Variants in SPAST observed in about 807,000 individuals in gnomAD.
SPAST encodes the protein spastin.
In SPAST, 30 loss-of-function variants were observed where a neutral mutation model predicts 76.6. The observed-to-expected ratio is 0.39, with a 90% CI of 0.29 to 0.53. The LOEUF (loss-of-function observed/expected upper bound fraction) is 0.53. SPAST is among the 20% of genes least tolerant of loss of function. The probability of loss-of-function intolerance (pLI) is 0.68; values close to 1 mark genes in which losing one functional copy is unlikely to be tolerated. For missense variants in SPAST, 717 were observed against 770.5 expected, an observed-to-expected ratio of 0.93 and a Z score of 0.82; for synonymous variants, 305 against 281.0, an observed-to-expected ratio of 1.09 and a Z score of -0.86.
chr2:32,080,432 A>AATGTAGTTACACTATTGGCTGATC (rs1677172539), intron 1 of SPAST, among the ~76,000 whole-genome samples: 1 of 152,232 alleles, frequency 6.6e-6, no homozygotes, highest in South Asian at 2.1e-4. Context: ...TGCATTAGAT[A>AATGTAGTTACACTATTGGCTGATC]ATGTAGTTAC....
intron 1 of SPAST, among the ~76,000 whole-genome samples, chr2:32,080,938 G>T (rs1677197324): frequency 6.6e-6 from 1 of 151,326 alleles, no homozygotes. Context: ...AGGACTACAG[G>T]CACGTGCCAC....
intron 9 of SPAST, chr2:32,129,540 G>A (rs936288654): frequency 6.6e-6 from 1 of 152,192 alleles, no homozygotes; most frequent in African/African-American, 2.4e-5. Flanking sequence ...AGAGTAATTT[G>A]TCTGGTGTGC....
intron 1 of SPAST, among the ~76,000 whole-genome samples, chr2:32,084,293 T>G (rs1329151125): frequency 1.3e-5 from 2 of 151,844 alleles, no homozygotes; most frequent in Non-Finnish European, 2.9e-5. Flanking sequence ...CCGGAGTAGC[T>G]GGGACTACAG....
intron 7 of SPAST, among the ~76,000 whole-genome samples, chr2:32,119,699 C>CA (rs1678952608): frequency 6.6e-6 from 1 of 152,106 alleles, no homozygotes; most frequent in Non-Finnish European, 1.5e-5. Context: ...TAATCTTTGA[C>CA]AAAAAACTCA....
At position 32,098,838 on chromosome 2, in the gene SPAST, A is replaced by G; in HGVS notation, c.629A>G (p.Asp210Gly). ...PVLPFSKSQTDVYNDSTNLAC... is the reference protein window; with the variant it reads ...PVLPFSKSQTGVYNDSTNLAC... ...TTGCCATTTTCCAAGTCACAAACGG[A>G]CGTCTATAATGACAGTACTAACTTG... is the stretch of plus-strand genomic sequence containing the variant. Residue 210 changes from aspartate to glycine, a missense_variant, in exon 4 of 17, where the codon GAC becomes GGC. Asp to Gly is a moderately conservative substitution (Grantham distance 94, BLOSUM62 -1). Coordinates refer to ENST00000315285, the MANE Select transcript of SPAST (RefSeq NM_014946.4). The G allele has an allele frequency of 6.2e-7, 1 of 1,613,930 alleles. No individual in the cohort carries two copies. Among genetic ancestry groups the G allele is most frequent in the South Asian group, 1.1e-5 (1 of 91,082 alleles).
At chr2:32,090,647 A>G (rs1469622365) in intron 3 of SPAST, among the ~76,000 whole-genome samples, 1 of 152,166 alleles carries the variant, frequency 6.6e-6, no homozygotes, top group Non-Finnish European at 1.5e-5. Context: ...AAAGATCCGT[A>G]TGTCTCTTTT....
chr2:32,097,128 A>G (rs891795093), intron 3 of SPAST, among the ~76,000 whole-genome samples: 1 of 152,196 alleles, frequency 6.6e-6, no homozygotes, highest in African/African-American at 2.4e-5. Context: ...GAAGAAAAGA[A>G]TCAATTATGA....
chr2:32,085,767 T>C (rs1226065498), intron 1 of SPAST, among the ~76,000 whole-genome samples: 1 of 151,742 alleles, frequency 6.6e-6, no homozygotes, highest in Non-Finnish European at 1.5e-5. Flanking sequence ...CCAGGTGCGG[T>C]GGCTCGTGAG....
chr2:32,072,850 C>T (rs1245814502), intron 1 of SPAST, among the ~76,000 whole-genome samples: 2 of 152,164 alleles, frequency 1.3e-5, no homozygotes, highest in Non-Finnish European at 2.9e-5. Context: ...GACTTGCTTT[C>T]TTTGGGCCTA....
chr2:32,131,565 C>T (rs973027583), intron 9 of SPAST, among the ~76,000 whole-genome samples: 24 of 151,898 alleles, frequency 1.6e-4, no homozygotes, highest in African/African-American at 5.8e-4. Flanking sequence ...TAGGGAATTA[C>T]AGAATTCAGT....
chr2:32,081,277 G>A (rs923608849), intron 1 of SPAST, among the ~76,000 whole-genome samples: 1 of 151,696 alleles, frequency 6.6e-6, no homozygotes, highest in African/African-American at 2.4e-5. Context: ...TGTGTTTTCA[G>A]TAGAGATGGG....
chr2:32,099,659 TG>T (rs1454611787), intron 4 of SPAST, among the ~76,000 whole-genome samples: 1 of 152,160 alleles, frequency 6.6e-6, no homozygotes, highest in African/African-American at 2.4e-5. Context: ...TATCATTCCT[TG>T]TGTTGGAAAC....
intron 1 of SPAST, among the ~76,000 whole-genome samples, chr2:32,070,176 C>T (rs1040226303): frequency 2.6e-5 from 4 of 151,916 alleles, no homozygotes; most frequent in Non-Finnish European, 5.9e-5. Context: ...AGCGATTCTC[C>T]TGCCTCAGTC....
Position 32,108,638 on chromosome 2 carries a change from A to T in SPAST, c.683-6000A>T, listed in dbSNP as rs954343539. 3.3e-5 allele frequency among the ~76,000 whole-genome samples: 5 copies of T among 150,014 alleles called. No individual in the cohort carries two copies. In the East Asian group the frequency reaches 6.1e-4, roughly 18 times the overall value. On this transcript the variant is annotated intron_variant, in intron 4 of 16. Coordinates refer to ENST00000315285, the MANE Select transcript of SPAST (RefSeq NM_014946.4). ...GCTAATTTTTGTATTTTTTGTAGAGATGGGGTTTCCCCATGTTGGCCAGTC... is the reference window on the plus strand; with the variant it reads ...GCTAATTTTTGTATTTTTTGTAGAGTTGGGGTTTCCCCATGTTGGCCAGTC...
chr2:32,070,003 G>T lies in SPAST; in HGVS notation c.415+5757G>T, dbSNP rs190305586. On this transcript the variant is annotated intron_variant, in intron 1 of 16. Transcript: ENST00000315285. Reference sequence around the variant, plus strand: ...CATTTTAATGAAATCTCGTGTAAATGTGTTTTATATGGTGACTATGTTTAT... The same window carrying T: ...CATTTTAATGAAATCTCGTGTAAATTTGTTTTATATGGTGACTATGTTTAT... Among the ~76,000 whole-genome samples the T allele has an allele frequency of 3.5e-4, 53 of 150,142 alleles. No homozygotes were observed. The East Asian group carries it at 8.2e-3, about 23-fold the overall frequency.
At chr2:32,088,057 T>C (rs1412533803) in intron 2 of SPAST, among the ~76,000 whole-genome samples, 1 of 151,874 alleles carries the variant, frequency 6.6e-6, no homozygotes, top group Non-Finnish European at 1.5e-5. Context: ...CCAGCTAATT[T>C]TTGTATTTTT....
chr2:32,103,644 C>A (rs908700932), intron 4 of SPAST, among the ~76,000 whole-genome samples: 1 of 152,006 alleles, frequency 6.6e-6, no homozygotes, highest in Non-Finnish European at 1.5e-5. Flanking sequence ...TTAAATGTGT[C>A]CCAAAGATTC....
At chr2:32,087,358 C>A (rs1170321113) in intron 1 of SPAST, 134 bp from the exon 2 acceptor site, 2 of 524,314 alleles carry the variant, frequency 3.8e-6, no homozygotes, top group Admixed American at 5.8e-5. Flanking sequence ...GATAAAAATA[C>A]TAAGAAGTTA....
At chr2:32,123,471 C>G (rs1051286219) in intron 7 of SPAST, among the ~76,000 whole-genome samples, 1 of 152,096 alleles carries the variant, frequency 6.6e-6, no homozygotes, top group African/African-American at 2.4e-5. Context: ...GTTCATATAT[C>G]GATTCAGTGC....
Sources: allele counts gnomAD v4.1 joint callset (sites outside exome capture counted in the v4.1 genomes callset), GRCh38; gene constraint gnomAD v4.1.1; transcripts MANE v1.5; gene names NCBI Gene and HGNC (gene_info 2026-07-23, HGNC 2026-07-21).